The following STAB1 variants were observed in gnomAD, a reference collection of about 807,000 sequenced individuals.
STAB1 encodes the protein stabilin 1, also known as stabilin-1.
In STAB1, 250 loss-of-function variants were observed where a neutral mutation model predicts 332.4. The observed-to-expected ratio is 0.75, with a 90% CI of 0.68 to 0.84. The LOEUF is 0.84. Ranked by LOEUF, STAB1 falls within the 40% of genes least tolerant of loss-of-function variation. The probability of loss-of-function intolerance (pLI) is 0.00; values close to 1 mark genes in which losing one functional copy is unlikely to be tolerated. For synonymous variants in STAB1, 1,475 were observed against 1,390.4 expected, an observed-to-expected ratio of 1.06 and a Z score of -1.35; for missense variants, 3,249 against 3,489.7, an observed-to-expected ratio of 0.93 and a Z score of 1.74.
intron 35 of STAB1, 42 bp downstream of exon 35, chr3:52,514,871 G>C: frequency 6.2e-7 from 1 of 1,612,892 alleles, no homozygotes; most frequent in South Asian, 1.1e-5. Context: ...CGGGAGTTCA[G>C]AGCTGGGAGG....
Position 52,523,414 on chromosome 3 carries a change from G to T in STAB1, c.7141-13G>T, listed in dbSNP as rs894573782. The stretch of plus-strand genomic sequence containing the variant: ...CATCTGGCCCAGGCCAACAGGCCTT[G>T]CTCTGCTCACAGACGCTGAGTGGCC... On this transcript the variant is annotated splice_polypyrimidine_tract_variant and intron_variant, in intron 64 of 68. Transcript: ENST00000321725. The T allele has an allele frequency of 1.9e-6, 3 of 1,609,638 alleles. No individual in the cohort carries two copies. Among genetic ancestry groups the T allele is most frequent in the Non-Finnish European group, 2.5e-6 (3 of 1,178,650 alleles).
intron 16 of STAB1, 72 bp downstream of exon 16, chr3:52,506,008 A>G: frequency 1.3e-6 from 2 of 1,586,008 alleles, no homozygotes; most frequent in Non-Finnish European, 1.7e-6. Flanking sequence ...GGACTTCCCC[A>G]AGGCCCCATC....
chr3:52,508,436 G>T, intron 21 of STAB1, 77 bp downstream of exon 21: 5 of 1,439,172 alleles, frequency 3.5e-6, no homozygotes, highest in Non-Finnish European at 4.8e-6. Flanking sequence ...GACTGGCTGT[G>T]TGTCTGGGCC....
chr3:52,514,047 C>G (rs1012448008), intron 32 of STAB1, 66 bp downstream of exon 32: 5 of 1,598,012 alleles, frequency 3.1e-6, no homozygotes, highest in Admixed American at 3.4e-5. Context: ...TCCAGAGGGA[C>G]CTGGCTGGCT....
rs529063889 is a variant in STAB1 at position 52,502,671 on chromosome 3, G to T, written c.527G>T (p.Arg176Leu). ...CACGGAGTGTGCAACCATGGGCCAC[G>T]TGGGGATGGAAGCTGCCTGTGCTTT... ...CVHGVCNHGPRGDGSCLCFAG... is the reference protein window; with the variant it reads ...CVHGVCNHGPLGDGSCLCFAG... The change falls in exon 6 of 69, where the codon CGT (arginine) becomes CTT (leucine). Residue 176 changes from arginine (R) to leucine (L), a missense_variant. Physicochemically the swap from Arg to Leu is moderately radical, Grantham distance 102 (BLOSUM62 -2). Coordinates refer to ENST00000321725, the MANE Select transcript of STAB1 (RefSeq NM_015136.3). 1.2e-6 allele frequency: 2 copies of T among 1,613,816 alleles called. No individual in the cohort carries two copies. The highest frequency in any genetic ancestry group is 1.7e-5 in the Admixed American group (1 of 60,026).
At chr3:52,516,895 G>T in intron 41 of STAB1, 89 bp from the exon 42 acceptor site, 1 of 1,599,894 alleles carries the variant, frequency 6.3e-7, no homozygotes, top group South Asian at 1.1e-5. Context: ...CCTTCCCTCT[G>T]ACCTTTTCCT....
At chr3:52,508,826 TAAC>T (rs1377870045) in intron 21 of STAB1, among the ~76,000 whole-genome samples, 2 of 31,072 alleles carry the variant, frequency 6.4e-5, no homozygotes, top group South Asian at 2.1e-3. Context: ...CATCCCAAAA[TAAC>T]AATAATAATA....
chr3:52,514,619 G>T (rs1465333286), intron 34 of STAB1, 82 bp from the exon 35 acceptor site: 1 of 1,596,704 alleles, frequency 6.3e-7, no homozygotes, highest in Non-Finnish European at 8.5e-7. Context: ...GAGCCCCCCG[G>T]CCCTGGAGTA....
At position 52,502,628 on chromosome 3, in the gene STAB1, C is replaced by A. The variant is rs751099494; in HGVS notation, c.488-4C>A. 7 of 1,608,358 alleles carry A rather than the reference C, an allele frequency of 4.4e-6. No homozygotes were observed. The highest frequency in any genetic ancestry group is 5.1e-6 in the Non-Finnish European group (6 of 1,175,674). ...CCCCATCTGTCTCTGTGTGTCCCTC[C>A]CAGTGTGCAGCTGTGTGCACGGAGT... On this transcript the variant is annotated splice_polypyrimidine_tract_variant and splice_region_variant and intron_variant, in intron 5 of 68. Transcript: ENST00000321725.
At position 52,522,091 on chromosome 3, in the gene STAB1, G is replaced by C. The variant is rs541206317; in HGVS notation, c.6326G>C (p.Ser2109Thr). 2 of 1,613,128 alleles carry C rather than the reference G, an allele frequency of 1.2e-6. No individual in the cohort carries two copies. Among genetic ancestry groups the C allele is most frequent in the East Asian group, 2.2e-5 (1 of 44,866 alleles). The change falls in exon 59 of 69, where the codon AGC (serine) becomes ACC (threonine). Residue 2109 changes from serine to threonine, a missense_variant. Transcript: ENST00000321725. Reference sequence around the variant, plus strand: ...GGCTGCAGTGAGCACGCCAACTGTAGCCAGGTAGGAACAATGGTCACTTGT... The same window carrying C: ...GGCTGCAGTGAGCACGCCAACTGTACCCAGGTAGGAACAATGGTCACTTGT... ...HGGCSEHANC[S>T]QVGTMVTCTC... is the part of the protein sequence containing the mutation.
In STAB1 at chr3:52,519,285, T is replaced by A; in HGVS notation, c.5056T>A (p.Phe1686Ile). ...EREGSIYLND[F>I]ARVVSSDHEA... Reference sequence around the variant, plus strand: ...CCAGGGCAGCATATACCTCAATGACTTCGCGCGCGTGGTGAGCAGCGACCA... The same window carrying A: ...CCAGGGCAGCATATACCTCAATGACATCGCGCGCGTGGTGAGCAGCGACCA... Residue 1686 changes from phenylalanine (F) to isoleucine (I), a missense_variant, in exon 49 of 69, where the codon TTC (phenylalanine) becomes ATC (isoleucine). By Grantham distance (21) the Phe-to-Ile change is conservative (BLOSUM62 0). Coordinates refer to ENST00000321725, the MANE Select transcript of STAB1 (RefSeq NM_015136.3). The A allele has an allele frequency of 1.2e-6, 2 of 1,612,918 alleles. No homozygotes were observed. The highest frequency in any genetic ancestry group is 1.7e-6 in the Non-Finnish European group (2 of 1,179,974).
Position 52,501,169 on chromosome 3 carries a change from C to T in STAB1, c.82C>T (p.Leu28=). 1 of 1,612,554 alleles carries T rather than the reference C, an allele frequency of 6.2e-7. No homozygotes were observed. The highest frequency in any genetic ancestry group is 1.1e-5 in the South Asian group (1 of 91,066). Residue 28 remains leucine, a synonymous_variant, in exon 2 of 69, where the codon CTG becomes TTG. Transcript: ENST00000321725. ...AGFSFVRGQV[L]FKGCDVKTTF... is the part of the protein sequence containing the mutation. ...CACACCCTGCCTGTGGCCCCAGGTG[C>T]TGTTCAAAGGCTGTGATGTGAAAAC... is the stretch of plus-strand genomic sequence containing the variant.
At chr3:52,504,242 A>G (rs1708676003) in intron 10 of STAB1, 87 bp downstream of exon 10, 2 of 1,520,144 alleles carry the variant, frequency 1.3e-6, no homozygotes, top group South Asian at 1.2e-5. Context: ...TGCAGATTCC[A>G]GTTTCTCTGC....
intron 45 of STAB1, 109 bp from the exon 46 acceptor site, chr3:52,518,203 T>A: frequency 6.4e-7 from 1 of 1,565,018 alleles, no homozygotes; most frequent in African/African-American, 1.4e-5. Flanking sequence ...CCCGCGGCTT[T>A]CCTTTCCTCA....
At chr3:52,497,556 G>A (rs942775585) in intron 1 of STAB1, among the ~76,000 whole-genome samples, 2 of 151,910 alleles carry the variant, frequency 1.3e-5, no homozygotes, top group Non-Finnish European at 2.9e-5. Flanking sequence ...GGGACTACAG[G>A]CGCACACCAC....
Position 52,510,236 on chromosome 3 carries a change from G to C in STAB1, c.2628+1G>C, listed in dbSNP as rs781566246. On this transcript the variant is annotated splice_donor_variant, in intron 24 of 68. Transcript: ENST00000321725. LOFTEE classifies it high-confidence loss of function. ...GGACCGTGGAGGCTGCTCAGAGAAT[G>C]TCAGTCCCCTTGCTCCTTCCCTGAA... 6.2e-7 allele frequency: 1 copy of C among 1,613,914 alleles called. No homozygotes were observed. The highest frequency in any genetic ancestry group is 2.2e-5 in the East Asian group (1 of 44,898).
At position 52,519,324 on chromosome 3, in the gene STAB1, G is replaced by T. The variant is rs981273519; in HGVS notation, c.5095G>T (p.Gly1699Cys). The change falls in exon 49 of 69, where the codon GGC becomes TGC. Residue 1699 changes from glycine (G) to cysteine (C), a missense_variant. By Grantham distance (159) the Gly-to-Cys change is radical. Coordinates refer to ENST00000321725, the MANE Select transcript of STAB1 (RefSeq NM_015136.3). ...GAGCAGCGACCATGAGGCCGTGAAC[G>T]GCATCCTGCACTTCATTGACCGTGT... ...VVSSDHEAVN[G>C]ILHFIDRVLL... 1 of 1,613,130 alleles carries T rather than the reference G, an allele frequency of 6.2e-7. No homozygotes were observed. Among genetic ancestry groups the T allele is most frequent in the South Asian group, 1.1e-5 (1 of 91,092 alleles).
intron 28 of STAB1, 46 bp downstream of exon 28, chr3:52,512,689 G>A (rs779237914): frequency 6.2e-7 from 1 of 1,613,106 alleles, no homozygotes; most frequent in Non-Finnish European, 8.5e-7. Flanking sequence ...AATCCAGGAG[G>A]CCTGCCTGGA....
chr3:52,512,706 G>C, intron 28 of STAB1, 63 bp downstream of exon 28: 1 of 1,612,262 alleles, frequency 6.2e-7, no homozygotes, highest in East Asian at 2.2e-5. Flanking sequence ...TGGATGGAGG[G>C]GTGCCATATA....
Sources: gnomAD v4.1 joint callset for allele counts (sites outside exome capture counted in the v4.1 genomes callset) on GRCh38, gnomAD v4.1.1 for gene constraint, MANE v1.5 for transcripts, NCBI Gene and HGNC (gene_info 2026-07-23, HGNC 2026-07-21) for gene names.